Variants in TG observed in about 807,000 individuals in gnomAD.
TG encodes the protein thyroid hormones.
In TG, 270 loss-of-function variants were observed where a neutral mutation model predicts 324.7. The observed-to-expected ratio is 0.83, with a 90% CI of 0.75 to 0.92. TG has a LOEUF of 0.92. TG is among the 40% of genes least tolerant of loss of function. TG has a pLI of 0.00. For missense variants in TG, 3,591 were observed against 3,456.4 expected, an observed-to-expected ratio of 1.04 and a Z score of -0.98; for synonymous variants, 1,401 against 1,327.0, an observed-to-expected ratio of 1.06 and a Z score of -1.21.
At chr8:133,060,204 T>A in intron 41 of TG, 1 of 1,613,456 alleles carries the variant, frequency 6.2e-7, no homozygotes, top group Non-Finnish European at 8.5e-7. Context: ...CCAGAGCCTG[T>A]GGTATAGGAG....
In TG at chr8:133,019,149, A is replaced by G. The variant is rs79249591; in HGVS notation, c.6783-453A>G. Among the ~76,000 whole-genome samples the G allele has an allele frequency of 8.1e-3, 1,230 of 152,280 alleles. 16 individuals carry two copies. The highest frequency in any genetic ancestry group is 0.026 in the African/African-American group (1,075 of 41,544). On this transcript the variant is annotated intron_variant, in intron 38 of 47. Transcript: ENST00000220616. ...TTGGGTAGATGACCATTGCGCTGCC[A>G]TTAGTCATAGTCACAGCTGTAGTCA... is the stretch of plus-strand genomic sequence containing the variant.
At chr8:133,040,014 A>G (rs1837907857) in intron 41 of TG, 1 of 1,551,368 alleles carries the variant, frequency 6.4e-7, no homozygotes, top group Admixed American at 2.0e-5. Context: ...ACTCTCCTCC[A>G]GTCCACAGTC....
rs564842814 is a variant in TG, at chr8:133,082,535, G to A, written c.7240-12509G>A. 3.3e-5 allele frequency among the ~76,000 whole-genome samples: 5 copies of A among 152,352 alleles called. No individual in the cohort carries two copies. In the South Asian group the frequency reaches 1.0e-3, roughly 32 times the overall value. ...CCTGATAATCGACTAGCTTGCTGCA[G>A]CAGAGCAGGCTGTGGGCACCGGGAA... On this transcript the variant is annotated intron_variant, in intron 41 of 47. Transcript: ENST00000220616.
chr8:133,089,997 T>C (rs976627349), intron 41 of TG: 2 of 152,224 alleles, frequency 1.3e-5, no homozygotes, highest in Admixed American at 1.3e-4. Context: ...TGCTGATTAC[T>C]GGACAGAGCT....
intron 43 of TG, among the ~76,000 whole-genome samples, chr8:133,099,914 C>A (rs1848994778): frequency 6.6e-6 from 1 of 152,176 alleles, no homozygotes; most frequent in African/African-American, 2.4e-5. Flanking sequence ...ACCTGCCTTG[C>A]CTCTTATAAT....
At chr8:133,044,032 C>T (rs56900480) in intron 41 of TG, among the ~76,000 whole-genome samples, 3,425 of 152,216 alleles carry the variant, frequency 0.023, 126 homozygotes, top group African/African-American at 0.079. Context: ...TGGATCCTCA[C>T]GGTGTCCTTG....
chr8:133,060,505 TGA>T, intron 41 of TG: 1 of 734,650 alleles, frequency 1.4e-6, no homozygotes, highest in Non-Finnish European at 2.1e-6. Context: ...AGGGTTTGTG[TGA>T]GAAACCAAGC....
intron 41 of TG, among the ~76,000 whole-genome samples, chr8:133,055,745 G>A (rs1161970560): frequency 6.6e-6 from 1 of 152,150 alleles, no homozygotes; most frequent in African/African-American, 2.4e-5. Context: ...GACTCAGAAT[G>A]TGCTTTACTT....
At chr8:133,090,796 G>A (rs1847382954) in intron 41 of TG, among the ~76,000 whole-genome samples, 1 of 152,148 alleles carries the variant, frequency 6.6e-6, no homozygotes, top group South Asian at 2.1e-4. Context: ...AATGGCCATG[G>A]GCAGAGCTGG....
chr8:132,948,699 G>T (rs1367043972), intron 26 of TG, 77 bp from the exon 27 acceptor site: 1 of 1,485,150 alleles, frequency 6.7e-7, no homozygotes, highest in Non-Finnish European at 9.4e-7. Flanking sequence ...ATTTGCAAAT[G>T]CTCTCAGGGG....
Position 133,022,046 on chromosome 8 carries a change from G to A in TG, c.6932G>A (p.Ser2311Asn), listed in dbSNP as rs1397901996. Reference sequence around the variant, plus strand: ...CACAACACCATGGACAGGGAGGAGAGTGAAGGATGGCCGGCTATCGACGGC... The same window carrying A: ...CACAACACCATGGACAGGGAGGAGAATGAAGGATGGCCGGCTATCGACGGC... ...FFHNTMDREESEGWPAIDGSF... is the reference protein window; with the variant it reads ...FFHNTMDREENEGWPAIDGSF... The change falls in exon 40 of 48, where the codon AGT (serine) becomes AAT (asparagine). Residue 2311 changes from serine to asparagine, a missense_variant. Physicochemically the swap from Ser to Asn is conservative, Grantham distance 46 (BLOSUM62 1). Transcript: ENST00000220616. 2 of 1,614,172 alleles carry A rather than the reference G, an allele frequency of 1.2e-6. No homozygotes were observed. The highest frequency in any genetic ancestry group is 1.7e-6 in the Non-Finnish European group (2 of 1,180,042).
intron 23 of TG, among the ~76,000 whole-genome samples, chr8:132,930,510 G>A (rs985158745): frequency 6.6e-5 from 10 of 152,042 alleles, no homozygotes; most frequent in African/African-American, 1.7e-4. Context: ...GTGAAACCCC[G>A]TCTCTACTAA....
chr8:132,875,119 G>C (rs1839841144), intron 5 of TG, among the ~76,000 whole-genome samples: 1 of 152,132 alleles, frequency 6.6e-6, no homozygotes, highest in South Asian at 2.1e-4. Flanking sequence ...ATTTGATGAG[G>C]CCTCATCTAT....
At chr8:132,941,257 C>A in intron 25 of TG, 94 bp from the exon 26 acceptor site, 1 of 1,474,000 alleles carries the variant, frequency 6.8e-7, no homozygotes, top group Non-Finnish European at 9.5e-7. Context: ...ACTGTTGCAG[C>A]TAAGTCAACA....
chr8:132,988,305 G>C (rs1831858874), intron 35 of TG, among the ~76,000 whole-genome samples: 1 of 152,180 alleles, frequency 6.6e-6, no homozygotes, highest in African/African-American at 2.4e-5. Context: ...TGGCCAAGAG[G>C]AGAATGGATA....
chr8:133,054,355 A>G (rs1053246785), intron 41 of TG, among the ~76,000 whole-genome samples: 2 of 152,112 alleles, frequency 1.3e-5, no homozygotes, highest in South Asian at 2.1e-4. Flanking sequence ...CGGGAAAGAG[A>G]ATGGGGCTTT....
chr8:132,966,939 C>T (rs1828644393), intron 30 of TG, among the ~76,000 whole-genome samples: 1 of 152,212 alleles, frequency 6.6e-6, no homozygotes, highest in Non-Finnish European at 1.5e-5. Context: ...ATCTATCCGT[C>T]CATTCACCCA....
intron 41 of TG, among the ~76,000 whole-genome samples, chr8:133,068,183 A>T (rs570396860): frequency 3.3e-5 from 5 of 152,344 alleles, no homozygotes; most frequent in African/African-American, 1.2e-4. Context: ...AAGGTCACAC[A>T]TTAAGTTTGG....
chr8:132,962,106 T>G (rs1343996785), intron 28 of TG, among the ~76,000 whole-genome samples: 1 of 150,622 alleles, frequency 6.6e-6, no homozygotes, highest in African/African-American at 2.4e-5. Context: ...GTGGGGGTGG[T>G]GGTGATGAAG....
Sources: gnomAD v4.1 joint callset for allele counts (sites outside exome capture counted in the v4.1 genomes callset) on GRCh38, gnomAD v4.1.1 for gene constraint, MANE v1.5 for transcripts, NCBI Gene and HGNC (gene_info 2026-07-23, HGNC 2026-07-21) for gene names.